NAALADL2: variants seen among roughly 807,000 people sequenced by gnomAD.
NAALADL2 encodes the protein inactive N-acetylated-alpha-linked acidic dipeptidase-like protein 2.
In NAALADL2, 76 loss-of-function variants were observed where a neutral mutation model predicts 87.2. That is an observed-to-expected ratio of 0.87 (90% CI 0.72 to 1.05). The LOEUF (loss-of-function observed/expected upper bound fraction) is 1.05. Ranked by LOEUF, NAALADL2 falls within the 50% of genes least tolerant of loss-of-function variation. The probability of loss-of-function intolerance (pLI) is 0.00; values close to 1 mark genes in which losing one functional copy is unlikely to be tolerated. For missense variants in NAALADL2, 1,089 were observed against 945.8 expected (o/e 1.15, Z -1.99); for synonymous variants, 354 against 331.0 (o/e 1.07, Z -0.75).
chr3:175,281,793 T>C (rs1754342153), intron 4 of NAALADL2, among the ~76,000 whole-genome samples: 1 of 151,998 alleles, frequency 6.6e-6, no homozygotes, highest in Non-Finnish European at 1.5e-5. Context: ...ACAAAGAATA[T>C]TTTTCTACTC....
chr3:175,526,779 G>A (rs1302155695), intron 9 of NAALADL2, among the ~76,000 whole-genome samples: 2 of 152,158 alleles, frequency 1.3e-5, no homozygotes, highest in African/African-American at 4.8e-5. Context: ...TCCACCAGCA[G>A]AGATGAGGAA....
At chr3:175,050,463 T>G (rs1392800974) in intron 1 of NAALADL2, among the ~76,000 whole-genome samples, 1 of 152,146 alleles carries the variant, frequency 6.6e-6, no homozygotes, top group East Asian at 1.9e-4. Flanking sequence ...GGTTTTGCCA[T>G]GTTTAAAAAT....
At chr3:175,623,481 C>A (rs1328128468) in intron 10 of NAALADL2, among the ~76,000 whole-genome samples, 1 of 151,970 alleles carries the variant, frequency 6.6e-6, no homozygotes, top group African/African-American at 2.4e-5. Flanking sequence ...GTTGTTGGAT[C>A]TTAAAGTGAA....
intron 1 of NAALADL2, among the ~76,000 whole-genome samples, chr3:174,901,535 T>C (rs984081116): frequency 6.6e-6 from 1 of 152,204 alleles, no homozygotes; most frequent in African/African-American, 2.4e-5. Flanking sequence ...ATAGCTTTAA[T>C]GTGAAGCCAA....
At chr3:175,715,448 C>T (rs1741103994) in intron 11 of NAALADL2, among the ~76,000 whole-genome samples, 2 of 152,124 alleles carry the variant, frequency 1.3e-5, no homozygotes, top group Admixed American at 1.3e-4. Context: ...ACATACTATA[C>T]CTTGAATATT....
chr3:175,023,094 C>A (rs1408638536), intron 1 of NAALADL2, among the ~76,000 whole-genome samples: 1 of 151,964 alleles, frequency 6.6e-6, no homozygotes, highest in Non-Finnish European at 1.5e-5. Context: ...CCAATAGGTT[C>A]TTTTGCATGT....
intron 13 of NAALADL2, among the ~76,000 whole-genome samples, chr3:175,756,343 A>G (rs1196359382): frequency 6.6e-6 from 1 of 152,100 alleles, no homozygotes; most frequent in Non-Finnish European, 1.5e-5. Flanking sequence ...AAGGAAAACA[A>G]TTTTTTTATA....
chr3:175,048,038 C>T (rs1754896049), intron 1 of NAALADL2, among the ~76,000 whole-genome samples: 1 of 152,158 alleles, frequency 6.6e-6, no homozygotes, highest in South Asian at 2.1e-4. Context: ...TTAGAATATT[C>T]TTCCAACCTT....
At chr3:174,645,172 A>C (rs1723651345) in intron 2 of NAALADL2, among the ~76,000 whole-genome samples, 1 of 152,230 alleles carries the variant, frequency 6.6e-6, no homozygotes, top group Non-Finnish European at 1.5e-5. Flanking sequence ...CAGGAAAGGT[A>C]CCAGGGAAAT....
chr3:174,854,862 G>C (rs1725682659), upstream of NAALADL2, among the ~76,000 whole-genome samples: 1 of 137,274 alleles, frequency 7.3e-6, no homozygotes. Context: ...TTTTGAGATG[G>C]AGTTTCCCCT....
At chr3:174,826,594 T>A (rs1445620436) in intron 3 of NAALADL2, among the ~76,000 whole-genome samples, 1 of 152,206 alleles carries the variant, frequency 6.6e-6, no homozygotes, top group East Asian at 1.9e-4. Flanking sequence ...TGGATTTGAA[T>A]GCCCATTCCA....
intron 5 of NAALADL2, 47 bp downstream of exon 5, chr3:175,324,372 A>G (rs1365916167): frequency 6.8e-7 from 1 of 1,474,648 alleles, no homozygotes; most frequent in East Asian, 2.5e-5. Flanking sequence ...AAGCATTACA[A>G]GGTTGCAATT....
chr3:174,777,722 T>C (rs185124746), intron 3 of NAALADL2, among the ~76,000 whole-genome samples: 1 of 152,228 alleles, frequency 6.6e-6, no homozygotes, highest in East Asian at 1.9e-4. Flanking sequence ...ATGAAAAATA[T>C]AGCCAACAGA....
intron 1 of NAALADL2, among the ~76,000 whole-genome samples, chr3:174,502,992 C>T (rs1718989383): frequency 6.6e-6 from 1 of 151,212 alleles, no homozygotes; most frequent in South Asian, 2.1e-4. Context: ...CACGCCACTG[C>T]ACTCCATCCT....
intron 5 of NAALADL2, among the ~76,000 whole-genome samples, chr3:175,436,949 G>A (rs1718776050): frequency 9.6e-6 from 1 of 104,372 alleles, no homozygotes. Context: ...GAATGGTAAT[G>A]CCTAGGTTTT....
intron 10 of NAALADL2, among the ~76,000 whole-genome samples, chr3:175,577,402 G>A (rs116165797): frequency 1.1e-3 from 165 of 152,260 alleles, no homozygotes; most frequent in African/African-American, 3.7e-3. Context: ...TTTTAGATAG[G>A]AACACATCAG....
At chr3:174,970,584 G>A (rs915561179) in intron 1 of NAALADL2, among the ~76,000 whole-genome samples, 5 of 152,164 alleles carry the variant, frequency 3.3e-5, no homozygotes, top group Non-Finnish European at 1.5e-5. Context: ...AGGTAAATTA[G>A]AACCATGACA....
intron 2 of NAALADL2, among the ~76,000 whole-genome samples, chr3:175,173,309 AAAATAAATAAATAAATAAAT>A (rs55984097): frequency 1.3e-3 from 184 of 139,960 alleles, no homozygotes; most frequent in South Asian, 5.8e-3. Flanking sequence ...ATAAATAAAT[AAAATAAATAAATAAATAAAT>A]AAATAAATAA....
In NAALADL2 at chr3:175,639,318, C is replaced by CTTTTTTTTTTTT. The variant is rs756214274; in HGVS notation, c.1896+11941_1896+11952dup. Reference sequence around the variant, plus strand: ...GCAGTTTTTTTTCAAAAGCGTTATTCTTTTTTTTTTTTTTTTTTTTGAGAC... The same window carrying CTTTTTTTTTTTT: ...GCAGTTTTTTTTCAAAAGCGTTATTCTTTTTTTTTTTTTTTTTTTTTTTTTTTTTTTTGAGAC... On this transcript the variant is annotated intron_variant, in intron 11 of 13. Coordinates refer to ENST00000454872, the MANE Select transcript of NAALADL2 (RefSeq NM_207015.3). Among the ~76,000 whole-genome samples, 94 of 108,712 alleles carry CTTTTTTTTTTTT rather than the reference C, an allele frequency of 8.6e-4. 10 individuals carry two copies. Among genetic ancestry groups the CTTTTTTTTTTTT allele is most frequent in the African/African-American group, 2.9e-3 (71 of 24,164 alleles). 71.3% of individuals were successfully genotyped at this position (108,712 alleles called of 152,430 possible).
Sources: gnomAD v4.1 joint callset for allele counts (sites outside exome capture counted in the v4.1 genomes callset) on GRCh38, gnomAD v4.1.1 for gene constraint, MANE v1.5 for transcripts, NCBI Gene and HGNC (gene_info 2026-07-23, HGNC 2026-07-21) for gene names.